The following HSP90B1 variants were observed in gnomAD, a reference collection of about 807,000 sequenced individuals.
The protein encoded by HSP90B1 is endoplasmin.
HSP90B1 carries 27 observed loss-of-function variants against 100.4 expected under a neutral mutation model. The ratio of observed to expected loss-of-function variants is 0.27; its 90% CI spans 0.20 to 0.37. The LOEUF (loss-of-function observed/expected upper bound fraction) is 0.37, where lower values mean the gene tolerates loss of function less well. HSP90B1 is among the 10% of genes least tolerant of loss of function. The probability of loss-of-function intolerance (pLI) is 1.00; values close to 1 mark genes in which losing one functional copy is unlikely to be tolerated. For missense variants in HSP90B1, 678 were observed against 960.5 expected (o/e 0.71, Z 3.89); for synonymous variants, 304 against 330.8 (o/e 0.92, Z 0.88).
At position 103,947,849 on chromosome 12, in the gene HSP90B1, G is replaced by GT. The variant is rs1374826527; in HGVS notation, c.*188dup. 1 of 635,422 alleles carries GT rather than the reference G, an allele frequency of 1.6e-6. No homozygotes were observed. Among genetic ancestry groups the GT allele is most frequent in the Non-Finnish European group, 2.9e-6 (1 of 349,624 alleles). 39.4% of individuals were successfully genotyped at this position (635,422 alleles called of 1,614,324 possible). A position where few individuals can be genotyped will look rare whatever the true frequency, so the allele number is the denominator to read the frequency against. ...ATTTTTTTTAACATTCCTCATGAATGTAAATTTGTACTATTTAACTGACTA... is the reference window on the plus strand; with the variant it reads ...ATTTTTTTTAACATTCCTCATGAATGTTAAATTTGTACTATTTAACTGACTA... On this transcript the variant is annotated 3_prime_UTR_variant, in exon 18 of 18. Transcript: ENST00000299767.
intron 15 of HSP90B1, 41 bp from the exon 16 acceptor site, chr12:103,946,745 T>C: frequency 6.2e-7 from 1 of 1,612,884 alleles, no homozygotes; most frequent in Non-Finnish European, 8.5e-7. Context: ...GAGTACTTTG[T>C]ATCTTTTAAT....
chr12:103,942,389 G>A lies in HSP90B1; in HGVS notation c.1375-138G>A, dbSNP rs1033334136. 4 of 733,544 alleles carry A rather than the reference G, an allele frequency of 5.5e-6. No individual in the cohort carries two copies. The African/African-American group carries it at 7.1e-5, about 13-fold the overall frequency. 45.4% of individuals were successfully genotyped at this position (733,544 alleles called of 1,614,324 possible). A position where few individuals can be genotyped will look rare whatever the true frequency, so the allele number is the denominator to read the frequency against. On this transcript the variant is annotated intron_variant, in intron 11 of 17. Coordinates refer to ENST00000299767, the MANE Select transcript of HSP90B1 (RefSeq NM_003299.3). ...CAGCCCAATCTGAATGAATTGGAGT[G>A]CTTCACCATTTCCTGCCCCTCAATA... is the stretch of plus-strand genomic sequence containing the variant.
rs1870155734 is a variant in HSP90B1, at chr12:103,943,984, C to T, written c.2027+110C>T. The T allele has an allele frequency of 3.1e-6, 3 of 970,014 alleles. No homozygotes were observed. The highest frequency in any genetic ancestry group is 4.5e-6 in the Non-Finnish European group (3 of 672,630). 60.1% of individuals were successfully genotyped at this position (970,014 alleles called of 1,614,324 possible). On this transcript the variant is annotated intron_variant, in intron 14 of 17. Transcript: ENST00000299767. The surrounding 1 kb of genome is among the most constrained non-coding windows in gnomAD (Gnocchi z 5.3). ...GAGTAAAATTGCCTTAAATGTCTACCACTGTCTACTATAAGGTAGACAACA... is the reference window on the plus strand; with the variant it reads ...GAGTAAAATTGCCTTAAATGTCTACTACTGTCTACTATAAGGTAGACAACA...
chr12:103,943,161 C>T lies in HSP90B1; in HGVS notation c.1732C>T (p.Gln578Ter). Residue 578 changes from glutamine (Q) to a stop codon, truncating the protein, a stop_gained, in exon 13 of 18, where the codon CAG becomes TAG. Coordinates refer to ENST00000299767, the MANE Select transcript of HSP90B1 (RefSeq NM_003299.3). LOFTEE classifies it high-confidence loss of function. This position sits in a 1 kb window ranked among gnomAD's most constrained non-coding sequence, Gnocchi z 5.3. Reference sequence around the variant, plus strand: ...AGAACCTGTGGATGAATACTGTATTCAGGCCCTTCCCGAATTTGATGGGAA... The same window carrying T: ...AGAACCTGTGGATGAATACTGTATTTAGGCCCTTCCCGAATTTGATGGGAA... ...LTEPVDEYCIQALPEFDGKRF... is the reference protein window; with the variant it reads ...LTEPVDEYCI 6.2e-7 allele frequency: 1 copy of T among 1,614,188 alleles called. No individual in the cohort carries two copies.
In HSP90B1 at chr12:103,943,994, T is replaced by C; in HGVS notation, c.2027+120T>C. ...GCCTTAAATGTCTACCACTGTCTAC[T>C]ATAAGGTAGACAACAAGTTTACGAA... On this transcript the variant is annotated intron_variant, in intron 14 of 17. Coordinates refer to ENST00000299767, the MANE Select transcript of HSP90B1 (RefSeq NM_003299.3). This position sits in a 1 kb window ranked among gnomAD's most constrained non-coding sequence, Gnocchi z 5.3. 1 of 835,436 alleles carries C rather than the reference T, an allele frequency of 1.2e-6. No individual in the cohort carries two copies. The highest frequency in any genetic ancestry group is 1.8e-6 in the Non-Finnish European group (1 of 568,576). 51.8% of individuals were successfully genotyped at this position (835,436 alleles called of 1,614,324 possible).
intron 4 of HSP90B1, among the ~76,000 whole-genome samples, chr12:103,933,730 C>T (rs1869829716): frequency 6.6e-6 from 1 of 152,174 alleles, no homozygotes; most frequent in Non-Finnish European, 1.5e-5. Flanking sequence ...TAACCTTTGA[C>T]ATTTAGGCCA....
At chr12:103,937,646 CA>C in intron 5 of HSP90B1, 48 bp from the exon 6 acceptor site, 1 of 881,370 alleles carries the variant, frequency 1.1e-6, no homozygotes, top group Non-Finnish European at 1.9e-6. Flanking sequence ...AATTTATAAT[CA>C]GATCTTCTAA....
rs372981677 is a variant in HSP90B1 at position 103,932,342 on chromosome 12, C to T, written c.218C>T (p.Ser73Leu). The part of the protein sequence containing the change: ...ASQIRELREK[S>L]EKFAFQAEVN... ...CAAATAAGAGAACTTAGAGAGAAGT[C>T]GGAAAAGTTTGCCTTCCAAGCCGAA... is the stretch of plus-strand genomic sequence containing the variant. The change falls in exon 3 of 18, where the codon TCG becomes TTG. Residue 73 changes from serine to leucine, a missense_variant. Physicochemically the swap from Ser to Leu is moderately radical, Grantham distance 145. Transcript: ENST00000299767. 16 of 1,612,468 alleles carry T rather than the reference C, an allele frequency of 9.9e-6. No homozygotes were observed. The highest frequency in any genetic ancestry group is 4.5e-5 in the East Asian group (2 of 44,802).
chr12:103,938,354 G>A lies in HSP90B1; in HGVS notation c.870G>A (p.Glu290=), dbSNP rs1869977523. Residue 290 remains glutamate, a synonymous_variant, in exon 7 of 18, where the codon GAG becomes GAA. Coordinates refer to ENST00000299767, the MANE Select transcript of HSP90B1 (RefSeq NM_003299.3). The part of the protein sequence containing the change: ...YVWSSKTETV[E]EPMEEEEAAK... Reference sequence around the variant, plus strand: ...TATTTCAACAGACTGAAACTGTTGAGGAGCCCATGGAGGAAGAAGAAGCAG... The same window carrying A: ...TATTTCAACAGACTGAAACTGTTGAAGAGCCCATGGAGGAAGAAGAAGCAG... 2 of 1,554,732 alleles carry A rather than the reference G, an allele frequency of 1.3e-6. No homozygotes were observed. The highest frequency in any genetic ancestry group is 1.4e-5 in the African/African-American group (1 of 73,410).
intron 7 of HSP90B1, among the ~76,000 whole-genome samples, chr12:103,939,256 T>C (rs1870008605): frequency 2.1e-4 from 1 of 4,758 alleles, no homozygotes. Context: ...CACGCCACCA[T>C]GACTGGCTAA....
chr12:103,930,701 G>A lies in HSP90B1; in HGVS notation c.49+137G>A. 1.4e-6 allele frequency: 1 copy of A among 702,304 alleles called. No homozygotes were observed. The highest frequency in any genetic ancestry group is 3.0e-5 in the East Asian group (1 of 33,620). 43.5% of individuals were successfully genotyped at this position (702,304 alleles called of 1,614,324 possible). On this transcript the variant is annotated intron_variant, in intron 1 of 17. Coordinates refer to ENST00000299767, the MANE Select transcript of HSP90B1 (RefSeq NM_003299.3). This position sits in a 1 kb window ranked among gnomAD's most constrained non-coding sequence, Gnocchi z 4.4. ...AGGGACGTCACCATTCCTCGAAAGAGGGCAAGGGAATTACGTTTATTCTCT... is the reference window on the plus strand; with the variant it reads ...AGGGACGTCACCATTCCTCGAAAGAAGGCAAGGGAATTACGTTTATTCTCT...
In HSP90B1 at chr12:103,934,511, TAGC is replaced by T. The variant is rs543427179; in HGVS notation, c.743+231_743+233del. Among the ~76,000 whole-genome samples the T allele has an allele frequency of 7.4e-4, 113 of 152,276 alleles. 4 individuals carry two copies. The South Asian group carries it at 0.022, about 30-fold the overall frequency. ...TACATGGAGGGTATAAAGTAGGAAA[TAGC>T]AGCAGCTTCCCCAAGGGAGAAGGCT... On this transcript the variant is annotated intron_variant, in intron 5 of 17. Coordinates refer to ENST00000299767, the MANE Select transcript of HSP90B1 (RefSeq NM_003299.3).
intron 7 of HSP90B1, chr12:103,938,689 A>T (rs1445377206): frequency 3.2e-6 from 1 of 310,646 alleles, no homozygotes; most frequent in Non-Finnish European, 6.0e-6. Flanking sequence ...TAACTTTTAT[A>T]TATTGCCTAG....
intron 3 of HSP90B1, 51 bp from the exon 4 acceptor site, chr12:103,932,775 T>G: frequency 1.1e-6 from 1 of 940,636 alleles, no homozygotes; most frequent in South Asian, 1.3e-5. Context: ...ATCGAATATC[T>G]TAATGCATCT....
rs372874819 is a variant in HSP90B1, at chr12:103,941,395, A to G, written c.1093-15A>G. The G allele has an allele frequency of 3.1e-6, 5 of 1,610,978 alleles. No homozygotes were observed. Among genetic ancestry groups the G allele is most frequent in the Non-Finnish European group, 4.2e-6 (5 of 1,179,334 alleles). ...CCTGTGTCGTTTGAATGACTAAGAT[A>G]CCAACTTTCCACAGGAAAGTGATGA... On this transcript the variant is annotated splice_polypyrimidine_tract_variant and intron_variant, in intron 8 of 17. Coordinates refer to ENST00000299767, the MANE Select transcript of HSP90B1 (RefSeq NM_003299.3).
chr12:103,947,463 CAGTTCTGGCAAAGTTAGGACAGAGTTTT>C (rs1870272389), intron 17 of HSP90B1, 33 bp downstream of exon 17: 1 of 1,613,868 alleles, frequency 6.2e-7, no homozygotes, highest in African/African-American at 1.3e-5. Context: ...CTTGCATTTT[CAGTTCTGGCAAAGTTAGGACAGAGTTTT>C]AGTTCTGGCA....
intron 15 of HSP90B1, 33 bp from the exon 16 acceptor site, chr12:103,946,753 A>C: frequency 6.2e-7 from 1 of 1,613,132 alleles, no homozygotes; most frequent in South Asian, 1.1e-5. Flanking sequence ...TGTATCTTTT[A>C]ATATTAATCT....
At chr12:103,938,499 C>T in intron 7 of HSP90B1, 40 bp downstream of exon 7, 1 of 1,579,358 alleles carries the variant, frequency 6.3e-7, no homozygotes, top group Non-Finnish European at 8.6e-7. Flanking sequence ...TATTGTTTAA[C>T]ATGTATAGGC....
At chr12:103,947,244 A>T (rs921133237) in intron 16 of HSP90B1, 67 bp from the exon 17 acceptor site, 1 of 1,509,862 alleles carries the variant, frequency 6.6e-7, no homozygotes, top group Non-Finnish European at 8.8e-7. Context: ...TTATGATTTT[A>T]TACATATAAA....
Sources: allele counts gnomAD v4.1 joint callset (sites outside exome capture counted in the v4.1 genomes callset), GRCh38; gene constraint gnomAD v4.1.1; non-coding constraint Gnocchi (gnomAD v3.1); transcripts MANE v1.5; gene names NCBI Gene and HGNC (gene_info 2026-07-23, HGNC 2026-07-21).